The following TRIQK variants were observed in gnomAD, a reference collection of about 807,000 sequenced individuals.
TRIQK encodes the protein triple QxxK/R motif-containing protein.
Under a neutral mutation model 10.8 loss-of-function variants are expected in TRIQK, and 10 were observed. That is an observed-to-expected ratio of 0.92 (90% CI 0.57 to 1.57). The LOEUF is 1.57. Among genes scored for constraint, TRIQK ranks in the 40% most tolerant of loss-of-function variants. The pLI, the probability that TRIQK is intolerant of heterozygous loss-of-function variation, is 0.00. For missense variants in TRIQK, 107 were observed against 97.7 expected (o/e 1.09, Z -0.40); for synonymous variants, 33 against 33.7 (o/e 0.98, Z 0.07).
rs937487696 is a variant in TRIQK at position 92,910,083 on chromosome 8, C to G, written c.61+6846G>C. On this transcript the variant is annotated intron_variant, in intron 3 of 4. Coordinates refer to ENST00000521988, the MANE Select transcript of TRIQK (RefSeq NM_001171797.2). ...AATTGTAATCACCTAAGAATTAGGA[C>G]AGTTGCTTTATTGATTATTTAAATA... Among the ~76,000 whole-genome samples the G allele has an allele frequency of 9.2e-5, 14 of 151,486 alleles. No individual in the cohort carries two copies. The South Asian group carries it at 2.9e-3, about 31-fold the overall frequency.
chr8:92,949,587 G>GGAAA (rs143998969), intron 2 of TRIQK, among the ~76,000 whole-genome samples: 2 of 140,878 alleles, frequency 1.4e-5, no homozygotes, highest in Admixed American at 7.4e-5. Flanking sequence ...AGAAAGAGAT[G>GGAAA]GAAAGAAAGA....
At chr8:92,903,142 T>C (rs1021056258) in intron 3 of TRIQK, among the ~76,000 whole-genome samples, 3 of 152,090 alleles carry the variant, frequency 2.0e-5, no homozygotes, top group African/African-American at 7.2e-5. Flanking sequence ...TATTCTAAAT[T>C]ATGTTTAAAA....
chr8:92,953,977 TATG>T (rs1812044610), intron 2 of TRIQK: 1 of 151,982 alleles, frequency 6.6e-6, no homozygotes, highest in East Asian at 1.9e-4. Context: ...AATGATATTT[TATG>T]ATGATATTAA....
intron 1 of TRIQK, among the ~76,000 whole-genome samples, chr8:92,986,547 C>T (rs980005948): frequency 1.3e-5 from 2 of 152,090 alleles, no homozygotes; most frequent in African/African-American, 2.4e-5. Flanking sequence ...GACAATACAC[C>T]TTTATAACTC....
chr8:92,964,619 A>C (rs1235172244), intron 1 of TRIQK, among the ~76,000 whole-genome samples: 1 of 151,662 alleles, frequency 6.6e-6, no homozygotes, highest in Non-Finnish European at 1.5e-5. Context: ...AAAAAAAAAA[A>C]AAATCACAAG....
upstream of TRIQK, among the ~76,000 whole-genome samples, chr8:92,966,665 T>C (rs976529872): frequency 2.6e-5 from 4 of 152,174 alleles, no homozygotes; most frequent in Admixed American, 1.3e-4. Context: ...TGTTACTTAT[T>C]GGAAAAGTAT....
intron 1 of TRIQK, among the ~76,000 whole-genome samples, chr8:92,984,779 T>G (rs1813017284): frequency 6.6e-6 from 1 of 152,130 alleles, no homozygotes; most frequent in Admixed American, 6.6e-5. Flanking sequence ...AAAATGATTA[T>G]TTTGTTTCTC....
At chr8:92,956,415 G>A (rs780644708) in intron 1 of TRIQK, among the ~76,000 whole-genome samples, 252 of 151,706 alleles carry the variant, frequency 1.7e-3, no homozygotes, top group Non-Finnish European at 2.8e-3. Context: ...CTGACATAAT[G>A]GGTACAGAAT....
intron 3 of TRIQK, among the ~76,000 whole-genome samples, chr8:92,915,305 T>C (rs1342963861): frequency 6.6e-6 from 1 of 152,150 alleles, no homozygotes; most frequent in Non-Finnish European, 1.5e-5. Flanking sequence ...GAACTACAGT[T>C]AATAATATTG....
intron 2 of TRIQK, chr8:92,922,176 A>C (rs934187879): frequency 4.9e-4 from 75 of 151,796 alleles, no homozygotes; most frequent in African/African-American, 1.7e-3. Flanking sequence ...CTAATTCTAT[A>C]GTCTTACTTC....
intron 2 of TRIQK, among the ~76,000 whole-genome samples, chr8:92,930,229 A>G (rs1259249985): frequency 1.3e-5 from 2 of 150,940 alleles, no homozygotes; most frequent in African/African-American, 4.9e-5. Context: ...TCTCTACTAA[A>G]TATACAAAAA....
At chr8:92,926,399 C>T (rs1167601216) in intron 2 of TRIQK, 1 of 151,972 alleles carries the variant, frequency 6.6e-6, no homozygotes, top group Non-Finnish European at 1.5e-5. Flanking sequence ...AAATTACAGA[C>T]CAATCCATTA....
Position 92,884,831 on chromosome 8 carries a change from T to C in TRIQK, c.*1791A>G. On this transcript the variant is annotated 3_prime_UTR_variant, in exon 5 of 5. Transcript: ENST00000521988. ...AATAACTAAATGAAAATTGTTCACG[T>C]AAATGTGATGGGAGTGGGGGGGTGG... The C allele has an allele frequency of 2.2e-6, 1 of 453,604 alleles. No individual in the cohort carries two copies. Among genetic ancestry groups the C allele is most frequent in the Non-Finnish European group, 4.4e-6 (1 of 225,926 alleles). 28.1% of individuals were successfully genotyped at this position (453,604 alleles called of 1,614,324 possible). A position where few individuals can be genotyped will look rare whatever the true frequency, so the allele number is the denominator to read the frequency against.
At chr8:92,945,425 G>A (rs1198190892) in intron 2 of TRIQK, among the ~76,000 whole-genome samples, 1 of 152,170 alleles carries the variant, frequency 6.6e-6, no homozygotes, top group African/African-American at 2.4e-5. Context: ...TGGGGTCAGG[G>A]GATATAATCT....
chr8:93,010,307 T>C (rs1291035444), intron 1 of TRIQK, among the ~76,000 whole-genome samples: 1 of 152,132 alleles, frequency 6.6e-6, no homozygotes, highest in South Asian at 2.1e-4. Flanking sequence ...AGGTGATGTA[T>C]ATGCTAATTA....
At position 92,949,676 on chromosome 8, in the gene TRIQK, GAAAGAAAGAAAGAAAGAAAGAAA is replaced by G. The variant is rs1563654960; in HGVS notation, c.-22+4707_-22+4729del. Among the ~76,000 whole-genome samples the G allele has an allele frequency of 7.6e-4, 12 of 15,864 alleles. 1 individual carries two copies. Among genetic ancestry groups the G allele is most frequent in the African/African-American group, 4.4e-3 (11 of 2,478 alleles). The allele number at this position is 15,864 out of a possible 152,430, so 10.4% of individuals were successfully genotyped here. A position where few individuals can be genotyped will look rare whatever the true frequency, so the allele number is the denominator to read the frequency against. On this transcript the variant is annotated intron_variant, in intron 2 of 4. Coordinates refer to ENST00000521988, the MANE Select transcript of TRIQK (RefSeq NM_001171797.2). Reference sequence around the variant, plus strand: ...AGGGAAGGAAAGAAAGAGAAGGAAAGAAAGAAAGAAAGAAAGAAAGAAAAGAGAAAGGAAGGGAGGGAGGGAGG... The same window carrying G: ...AGGGAAGGAAAGAAAGAGAAGGAAAGAGAGAAAGGAAGGGAGGGAGGGAGG...
At chr8:92,957,571 G>A (rs1812238763) in intron 1 of TRIQK, among the ~76,000 whole-genome samples, 1 of 151,844 alleles carries the variant, frequency 6.6e-6, no homozygotes, top group African/African-American at 2.4e-5. Flanking sequence ...AATGCAAAGT[G>A]TTAATTTAAA....
chr8:92,987,434 G>T (rs1014141160), intron 1 of TRIQK, among the ~76,000 whole-genome samples: 1 of 152,320 alleles, frequency 6.6e-6, no homozygotes, highest in African/African-American at 2.4e-5. Flanking sequence ...GTTATTTAAT[G>T]TATAGGCTTA....
At chr8:92,950,790 C>A (rs533051366) in intron 2 of TRIQK, among the ~76,000 whole-genome samples, 138 of 152,190 alleles carry the variant, frequency 9.1e-4, no homozygotes, top group African/African-American at 3.1e-3. Context: ...ATAGTACATT[C>A]CAACGAATAT....
Sources: gnomAD v4.1 joint callset for allele counts (sites outside exome capture counted in the v4.1 genomes callset) on GRCh38, gnomAD v4.1.1 for gene constraint, MANE v1.5 for transcripts, NCBI Gene and HGNC (gene_info 2026-07-23, HGNC 2026-07-21) for gene names.